The following ADK variants were observed in gnomAD, a reference collection of about 807,000 sequenced individuals.
ADK encodes adenosine kinase.
In ADK, 24 loss-of-function variants were observed where a neutral mutation model predicts 44.7. The observed-to-expected ratio is 0.54, with a 90% confidence interval of 0.39 to 0.76. The LOEUF is 0.76. ADK is among the 30% of genes least tolerant of loss of function. ADK has a pLI of 0.00. For synonymous variants in ADK, 128 were observed against 142.6 expected (o/e 0.90, Z 0.73); for missense variants, 321 against 425.1 (o/e 0.76, Z 2.15).
intron 6 of ADK, among the ~76,000 whole-genome samples, chr10:74,482,098 T>G (rs994531670): frequency 2.6e-5 from 4 of 152,228 alleles, no homozygotes; most frequent in African/African-American, 9.6e-5. Flanking sequence ...TGTGTTTGTA[T>G]TAGTCCTTTC....
chr10:74,534,877 T>C (rs115301963), intron 7 of ADK, among the ~76,000 whole-genome samples: 2 of 152,212 alleles, frequency 1.3e-5, no homozygotes, highest in East Asian at 3.9e-4. Context: ...ACAAAGTTAT[T>C]TGCTTACAAA....
intron 1 of ADK, among the ~76,000 whole-genome samples, chr10:74,198,427 T>A (rs1843245506): frequency 6.6e-6 from 1 of 152,224 alleles, no homozygotes; most frequent in Non-Finnish European, 1.5e-5. Context: ...AATAAGAGAC[T>A]GTAATTTTAT....
intron 3 of ADK, among the ~76,000 whole-genome samples, chr10:74,272,348 C>G (rs550884546): frequency 1.3e-5 from 2 of 151,942 alleles, no homozygotes; most frequent in Non-Finnish European, 2.9e-5. Flanking sequence ...ATAATCATGG[C>G]TCCCTGCATG....
chr10:74,155,084 A>C (rs1205911573), intron 1 of ADK, among the ~76,000 whole-genome samples: 1 of 152,208 alleles, frequency 6.6e-6, no homozygotes, highest in Non-Finnish European at 1.5e-5. Context: ...CTAATCAGCA[A>C]ATGCTGAGCT....
chr10:74,470,667 C>T (rs1846549479), intron 6 of ADK, among the ~76,000 whole-genome samples: 2 of 97,892 alleles, frequency 2.0e-5, no homozygotes, highest in South Asian at 6.1e-4. Context: ...TGTGGAGTTC[C>T]TTATATATTC....
intron 6 of ADK, among the ~76,000 whole-genome samples, chr10:74,491,891 T>C (rs1369990000): frequency 1.3e-5 from 2 of 152,192 alleles, no homozygotes; most frequent in Non-Finnish European, 2.9e-5. Flanking sequence ...TGTATGAATC[T>C]CAGTTCTACT....
intron 3 of ADK, among the ~76,000 whole-genome samples, chr10:74,265,964 A>G (rs919603454): frequency 4.6e-5 from 7 of 152,110 alleles, no homozygotes; most frequent in Non-Finnish European, 1.0e-4. Context: ...TACCTGGGAA[A>G]GATCAAGGGC....
At chr10:74,321,975 G>A (rs1185225899) in intron 4 of ADK, among the ~76,000 whole-genome samples, 2 of 152,114 alleles carry the variant, frequency 1.3e-5, no homozygotes, top group East Asian at 3.8e-4. Context: ...ACCAATTAGT[G>A]TAACATTACT....
At chr10:74,658,065 T>C (rs982306649) in intron 9 of ADK, among the ~76,000 whole-genome samples, 1 of 152,128 alleles carries the variant, frequency 6.6e-6, no homozygotes, top group Non-Finnish European at 1.5e-5. Context: ...CAGGGAAAGA[T>C]AAAGTTTGAA....
chr10:74,586,875 ATG>A (rs200167834), intron 7 of ADK, among the ~76,000 whole-genome samples: 3,225 of 149,858 alleles, frequency 0.022, 119 homozygotes, highest in African/African-American at 0.074. Context: ...AAAAATATAT[ATG>A]TATATATATA....
chr10:74,588,099 T>C (rs1319812437), intron 7 of ADK, among the ~76,000 whole-genome samples: 1 of 152,158 alleles, frequency 6.6e-6, no homozygotes, highest in Admixed American at 6.5e-5. Flanking sequence ...GACCCCTACA[T>C]AGCACATACA....
At chr10:74,452,865 T>G (rs1845821794) in intron 6 of ADK, among the ~76,000 whole-genome samples, 1 of 152,002 alleles carries the variant, frequency 6.6e-6, no homozygotes, top group African/African-American at 2.4e-5. Context: ...TCTCTGAAAT[T>G]TTCAACAATG....
intron 1 of ADK, among the ~76,000 whole-genome samples, chr10:74,196,069 G>T (rs1030975453): frequency 5.9e-5 from 9 of 151,888 alleles, no homozygotes; most frequent in African/African-American, 2.2e-4. Context: ...CTCCCAAAGT[G>T]CTGGGATTAC....
chr10:74,290,076 G>GCA (rs1554838787), intron 3 of ADK, among the ~76,000 whole-genome samples: 4 of 63,558 alleles, frequency 6.3e-5, no homozygotes, highest in Non-Finnish European at 1.2e-4. Context: ...AACTACTCAC[G>GCA]CGCACACACA....
At chr10:74,373,921 A>C (rs1227374214) in intron 4 of ADK, among the ~76,000 whole-genome samples, 1 of 152,202 alleles carries the variant, frequency 6.6e-6, no homozygotes, top group Non-Finnish European at 1.5e-5. Context: ...AAAATTTGGA[A>C]TATCCATGCA....
At chr10:74,323,952 T>A (rs1840913709) in intron 4 of ADK, among the ~76,000 whole-genome samples, 1 of 152,178 alleles carries the variant, frequency 6.6e-6, no homozygotes, top group Admixed American at 6.5e-5. Context: ...CCTCATCTTC[T>A]GTCCATTCAA....
At chr10:74,230,282 A>T (rs1203946013) in intron 3 of ADK, among the ~76,000 whole-genome samples, 1 of 151,786 alleles carries the variant, frequency 6.6e-6, no homozygotes, top group African/African-American at 2.4e-5. Context: ...AAATTATAGT[A>T]TTTTGATTCT....
At chr10:74,591,718 AT>A (rs1262816033) in intron 8 of ADK, among the ~76,000 whole-genome samples, 1 of 152,222 alleles carries the variant, frequency 6.6e-6, no homozygotes, top group Non-Finnish European at 1.5e-5. Flanking sequence ...AAAAATCTGC[AT>A]TTTATCCCTT....
intron 6 of ADK, among the ~76,000 whole-genome samples, chr10:74,439,622 T>A (rs1845323117): frequency 6.6e-6 from 1 of 152,156 alleles, no homozygotes; most frequent in Non-Finnish European, 1.5e-5. Flanking sequence ...GATTATAATC[T>A]GTCTTGGCTT....
Sources: allele counts gnomAD v4.1 joint callset (sites outside exome capture counted in the v4.1 genomes callset), GRCh38; gene constraint gnomAD v4.1.1; transcripts MANE v1.5; gene names NCBI Gene and HGNC (gene_info 2026-07-23, HGNC 2026-07-21).